ADGRL2: variants seen among roughly 807,000 people sequenced by gnomAD.
The protein encoded by ADGRL2 is adhesion G protein-coupled receptor L2.
In ADGRL2, 44 loss-of-function variants were observed where a neutral mutation model predicts 157.4. The observed-to-expected ratio is 0.28, with a 90% CI of 0.22 to 0.36. The LOEUF (loss-of-function observed/expected upper bound fraction) is 0.36. Among genes scored for constraint, ADGRL2 ranks in the 10% least tolerant of loss-of-function variants. ADGRL2 has a pLI of 1.00. For missense variants in ADGRL2, 1,510 were observed against 1,768.9 expected (o/e 0.85, Z 2.63); for synonymous variants, 585 against 624.7 (o/e 0.94, Z 0.95).
chr1:81,799,933 T>G (rs2087804708), upstream of ADGRL2, among the ~76,000 whole-genome samples: 1 of 152,202 alleles, frequency 6.6e-6, no homozygotes, highest in Non-Finnish European at 1.5e-5. Context: ...CACAGGACAC[T>G]TAACTGGCTT....
chr1:81,938,384 A>G (rs2095340034), intron 4 of ADGRL2, among the ~76,000 whole-genome samples: 1 of 151,726 alleles, frequency 6.6e-6, no homozygotes, highest in Non-Finnish European at 1.5e-5. Context: ...ATAGACCAAG[A>G]ACAGTGTTAA....
At chr1:81,727,829 A>ATC (rs1491259607) in intron 1 of ADGRL2, among the ~76,000 whole-genome samples, 1 of 151,748 alleles carries the variant, frequency 6.6e-6, no homozygotes, top group African/African-American at 2.4e-5. Context: ...ATATATATAT[A>ATC]CATCTAAAAA....
chr1:81,631,422 G>A (rs1240951547), intron 3 of ADGRL2, among the ~76,000 whole-genome samples: 2 of 151,986 alleles, frequency 1.3e-5, no homozygotes, highest in Admixed American at 6.6e-5. Flanking sequence ...TCACCATGTT[G>A]GCCAGGCTGG....
chr1:81,728,768 T>C (rs1324800044), intron 1 of ADGRL2, among the ~76,000 whole-genome samples: 1 of 152,164 alleles, frequency 6.6e-6, no homozygotes, highest in Non-Finnish European at 1.5e-5. Flanking sequence ...CTCTCTCTGC[T>C]GTAGTGCCTG....
chr1:81,747,307 A>ATTTT (rs369526684), intron 1 of ADGRL2, among the ~76,000 whole-genome samples: 6 of 143,524 alleles, frequency 4.2e-5, no homozygotes, highest in African/African-American at 7.7e-5. Flanking sequence ...ATATATATAT[A>ATTTT]TTTTTTTTTT....
chr1:81,716,394 T>C (rs2084117982), intron 1 of ADGRL2, among the ~76,000 whole-genome samples: 1 of 152,242 alleles, frequency 6.6e-6, no homozygotes, highest in Non-Finnish European at 1.5e-5. Flanking sequence ...TGAGTTCTTA[T>C]ACCCAAAGCA....
intron 1 of ADGRL2, among the ~76,000 whole-genome samples, chr1:81,317,761 G>A (rs959205133): frequency 6.6e-6 from 1 of 152,064 alleles, no homozygotes; most frequent in Non-Finnish European, 1.5e-5. Context: ...TTGTAAGTAG[G>A]GGGTCTGTCT....
chr1:81,856,095 T>TC, intron 2 of ADGRL2, among the ~76,000 whole-genome samples: 1 of 152,174 alleles, frequency 6.6e-6, no homozygotes, highest in East Asian at 1.9e-4. Context: ...TGGAAACTGG[T>TC]CATATATAGC....
In ADGRL2 at chr1:81,889,275, G is replaced by A. The variant is rs542146535; in HGVS notation, c.74-17742G>A. On this transcript the variant is annotated intron_variant, in intron 2 of 23. Transcript: ENST00000686636. ...GCCTCTTGTGCCAGTTAGCCAAGTC[G>A]TGAATGCAAGGAAAAAGTTCTTGAA... Among the ~76,000 whole-genome samples the A allele has an allele frequency of 1.2e-4, 19 of 152,312 alleles. No homozygotes were observed. The South Asian group carries it at 2.5e-3, about 20-fold the overall frequency.
At chr1:81,345,578 A>T (rs1387683215) in intron 1 of ADGRL2, among the ~76,000 whole-genome samples, 1 of 152,238 alleles carries the variant, frequency 6.6e-6, no homozygotes, top group East Asian at 1.9e-4. Flanking sequence ...TAAAAAATAC[A>T]GATATAGAAT....
At chr1:81,989,734 T>C in intron 23 of ADGRL2, 1 of 1,607,778 alleles carries the variant, frequency 6.2e-7, no homozygotes. Context: ...CTGCTGTCTA[T>C]CGTGATGTTG....
chr1:81,762,801 C>T (rs966739177), intron 2 of ADGRL2, among the ~76,000 whole-genome samples: 2 of 151,832 alleles, frequency 1.3e-5, no homozygotes, highest in East Asian at 3.9e-4. Flanking sequence ...GCCTGTAATC[C>T]CAGCACTTTG....
intron 1 of ADGRL2, among the ~76,000 whole-genome samples, chr1:81,401,110 G>A (rs936853170): frequency 3.3e-5 from 5 of 152,166 alleles, no homozygotes; most frequent in African/African-American, 1.2e-4. Flanking sequence ...GGCAGCCAAG[G>A]CATAGCTTCC....
chr1:81,705,269 G>T (rs1349761099), intron 1 of ADGRL2, among the ~76,000 whole-genome samples: 1 of 152,076 alleles, frequency 6.6e-6, no homozygotes, highest in South Asian at 2.1e-4. Flanking sequence ...CTGACCTTGT[G>T]ATCTACCTGC....
chr1:81,762,682 A>G (rs916154284), intron 2 of ADGRL2, among the ~76,000 whole-genome samples: 5 of 152,164 alleles, frequency 3.3e-5, no homozygotes, highest in Admixed American at 6.6e-5. Context: ...ACAGAACTAC[A>G]TACATTACAT....
intron 3 of ADGRL2, among the ~76,000 whole-genome samples, chr1:81,659,045 C>A (rs562150822): frequency 1.0e-4 from 15 of 144,764 alleles, no homozygotes; most frequent in South Asian, 4.4e-4. Context: ...AGCCACCACA[C>A]CCAGCAATTT....
chr1:81,524,542 C>CT (rs2079406477), intron 2 of ADGRL2, among the ~76,000 whole-genome samples: 1 of 151,540 alleles, frequency 6.6e-6, no homozygotes, highest in East Asian at 1.9e-4. Context: ...AGGAAAGAAC[C>CT]TAAATAGGAA....
chr1:81,317,253 G>C (rs1181329193), intron 1 of ADGRL2, among the ~76,000 whole-genome samples: 1 of 152,094 alleles, frequency 6.6e-6, no homozygotes, highest in East Asian at 1.9e-4. Context: ...CTTTCTTGTA[G>C]CTCAGAAGGA....
At chr1:81,515,376 A>T (rs759993040) in intron 2 of ADGRL2, among the ~76,000 whole-genome samples, 22 of 151,836 alleles carry the variant, frequency 1.4e-4, no homozygotes, top group Non-Finnish European at 2.2e-4. Flanking sequence ...TTAGAACATG[A>T]TAATGGTGCC....
Sources: allele counts gnomAD v4.1 joint callset (sites outside exome capture counted in the v4.1 genomes callset), GRCh38; gene constraint gnomAD v4.1.1; transcripts MANE v1.5; gene names NCBI Gene and HGNC (gene_info 2026-07-23, HGNC 2026-07-21).